CFAP46: variants seen among roughly 807,000 people sequenced by gnomAD.
CFAP46 encodes cilia and flagella associated protein 46.
In CFAP46, 245 loss-of-function variants were observed where a neutral mutation model predicts 325.7. The ratio of observed to expected loss-of-function variants is 0.75; its 90% confidence interval spans 0.68 to 0.84. The LOEUF (loss-of-function observed/expected upper bound fraction) is 0.84. Among genes scored for constraint, CFAP46 ranks in the 40% least tolerant of loss-of-function variants. The probability of loss-of-function intolerance (pLI) is 0.00; values close to 1 mark genes in which losing one functional copy is unlikely to be tolerated. For missense variants in CFAP46, 3,346 were observed against 3,543.0 expected, an observed-to-expected ratio of 0.94 and a Z score of 1.41; for synonymous variants, 1,523 against 1,495.9, an observed-to-expected ratio of 1.02 and a Z score of -0.42.
chr10:132,855,941 G>A (rs934040012), intron 39 of CFAP46, among the ~76,000 whole-genome samples: 2 of 152,228 alleles, frequency 1.3e-5, no homozygotes, highest in Admixed American at 6.5e-5. Context: ...ATGCACCTGT[G>A]TGGATCCACA....
chr10:132,885,743 T>TGGGGAGCACTCATAGGCGGTG, intron 26 of CFAP46, 78 bp downstream of exon 26: 10 of 1,262,016 alleles, frequency 7.9e-6, no homozygotes, highest in Non-Finnish European at 9.3e-6. Flanking sequence ...ACAGGCGGTG[T>TGGGGAGCACTCATAGGCGGTG]GGGGAGCACT....
chr10:132,909,762 C>T (rs1320090029), intron 20 of CFAP46, among the ~76,000 whole-genome samples, 157 bp downstream of exon 20: 1 of 152,230 alleles, frequency 6.6e-6, no homozygotes, highest in Non-Finnish European at 1.5e-5. Context: ...GGGCAGCCAG[C>T]GGCGGTGAGC....
Position 132,885,215 on chromosome 10 carries a change from A to G in CFAP46, c.3515T>C (p.Phe1172Ser). The change falls in exon 27 of 58, where the codon TTC becomes TCC. Residue 1172 changes from phenylalanine to serine, a missense_variant. Transcript: ENST00000368586. ...CAAGTAGTCCTCACTCTCGGCCTTG[A>G]ATTTCTGTATTTCCATCGAAAAATT... ...GQNFSMEIQK[F>S]KAESEDYLAR... The G allele has an allele frequency of 6.5e-7, 1 of 1,550,360 alleles. No individual in the cohort carries two copies. Among genetic ancestry groups the G allele is most frequent in the Non-Finnish European group, 8.7e-7 (1 of 1,146,946 alleles).
chr10:132,893,709 G>T (rs1849284274), intron 24 of CFAP46, among the ~76,000 whole-genome samples: 1 of 152,190 alleles, frequency 6.6e-6, no homozygotes, highest in Admixed American at 6.5e-5. Flanking sequence ...GATCTCTCAG[G>T]TCTCCCGCTC....
intron 22 of CFAP46, among the ~76,000 whole-genome samples, chr10:132,902,646 C>G (rs1031828370): frequency 6.6e-6 from 1 of 152,198 alleles, no homozygotes; most frequent in Non-Finnish European, 1.5e-5. Flanking sequence ...CTATTCTACT[C>G]TTTTCTTCCT....
intron 50 of CFAP46, among the ~76,000 whole-genome samples, chr10:132,830,300 C>T (rs1848128523): frequency 6.6e-6 from 1 of 152,012 alleles, no homozygotes; most frequent in Non-Finnish European, 1.5e-5. Context: ...CATGCCACCA[C>T]ACCCAGCTAA....
In CFAP46 at chr10:132,846,163, G is replaced by A; in HGVS notation, c.6332C>T (p.Ser2111Leu). Residue 2111 changes from serine (S) to leucine (L), a missense_variant, in exon 44 of 58, where the codon TCA (serine) becomes TTA (leucine). Coordinates refer to ENST00000368586, the MANE Select transcript of CFAP46 (RefSeq NM_001200049.3). ...LLAATANTSS[S>L]QLAALLQLQH... ...TAGCTGCAGCAGGGCCGCCAGCTGT[G>A]AGCTGCTGGTGTTGGCTGTGGCTGC... The A allele has an allele frequency of 6.2e-7, 1 of 1,611,856 alleles. No homozygotes were observed. Among genetic ancestry groups the A allele is most frequent in the Non-Finnish European group, 8.5e-7 (1 of 1,179,536 alleles).
At chr10:132,814,799 C>T (rs752872492) in intron 51 of CFAP46, 45 bp downstream of exon 51, 101 of 1,613,666 alleles carry the variant, frequency 6.3e-5, no homozygotes, top group Admixed American at 1.3e-4. Context: ...CCTGACCTCC[C>T]GCTGTGCCCA....
intron 50 of CFAP46, among the ~76,000 whole-genome samples, chr10:132,823,764 G>GC (rs2134899503): frequency 1.5e-5 from 1 of 65,066 alleles, no homozygotes; most frequent in Non-Finnish European, 3.0e-5. Context: ...TGCTGTGTGT[G>GC]TGCTGTGTGC....
chr10:132,913,579 C>CAT (rs1849588776), intron 17 of CFAP46, among the ~76,000 whole-genome samples: 1 of 152,216 alleles, frequency 6.6e-6, no homozygotes, highest in South Asian at 2.1e-4. Flanking sequence ...GGAAACGTTT[C>CAT]ATCCCGCGAC....
chr10:132,887,920 CTCCTCTCCT>C (rs1220760573), intron 25 of CFAP46, among the ~76,000 whole-genome samples: 3 of 67,578 alleles, frequency 4.4e-5, no homozygotes, highest in Admixed American at 1.6e-4. Context: ...CTTCTTCTCT[CTCCTCTCCT>C]CTCTCCTCTT....
chr10:132,835,493 C>T (rs1288086206), intron 46 of CFAP46, 59 bp from the exon 47 acceptor site: 30 of 1,602,502 alleles, frequency 1.9e-5, no homozygotes, highest in African/African-American at 1.5e-4. Context: ...GCAGCTGGAC[C>T]GTGCATGGTG....
In CFAP46 at chr10:132,909,148, A is replaced by T. The variant is rs1474258802; in HGVS notation, c.2746T>A (p.Ser916Thr). ...CTGGGGACACCTACCTGGGCCAGGG[A>T]GGGGACAGTGAAGTCCATGAGGCCC... is the stretch of plus-strand genomic sequence containing the variant. Reference protein sequence around the residue: ...GLGLMDFTVPSLAQLVKMASE... With the variant: ...GLGLMDFTVPTLAQLVKMASE... The change falls in exon 21 of 58, where the codon TCC (serine) becomes ACC (threonine). Residue 916 changes from serine (S) to threonine (T), a missense_variant. Transcript: ENST00000368586. 5 of 1,548,882 alleles carry T rather than the reference A, an allele frequency of 3.2e-6. No homozygotes were observed. The highest frequency in any genetic ancestry group is 4.4e-6 in the Non-Finnish European group (5 of 1,146,340).
intron 44 of CFAP46, among the ~76,000 whole-genome samples, chr10:132,840,596 A>C (rs916231060): frequency 7.9e-5 from 12 of 152,138 alleles, no homozygotes; most frequent in Non-Finnish European, 1.5e-5. Context: ...GAGCTAAGTC[A>C]CGTAAGTTTT....
At position 132,857,436 on chromosome 10, in the gene CFAP46, GT is replaced by G. The variant is rs532058450; in HGVS notation, c.5574+153del. 2.6e-5 allele frequency among the ~76,000 whole-genome samples: 4 copies of G among 152,350 alleles called. No homozygotes were observed. In the East Asian group the frequency reaches 7.7e-4, roughly 29 times the overall value. On this transcript the variant is annotated intron_variant, in intron 39 of 57. Coordinates refer to ENST00000368586, the MANE Select transcript of CFAP46 (RefSeq NM_001200049.3). ...AAAGTCTTTGTTTCATACACTGTTT[GT>G]TTTTTTGTTGTTTCAGATGGGGGAG...
At chr10:132,829,693 G>T (rs918111555) in intron 50 of CFAP46, among the ~76,000 whole-genome samples, 1 of 152,222 alleles carries the variant, frequency 6.6e-6, no homozygotes, top group Non-Finnish European at 1.5e-5. Context: ...GGAAGAAGCC[G>T]CCTTCCCCTC....
chr10:132,893,848 G>C (rs1185561560), intron 24 of CFAP46, among the ~76,000 whole-genome samples: 1 of 152,162 alleles, frequency 6.6e-6, no homozygotes, highest in African/African-American at 2.4e-5. Flanking sequence ...TTCTGAGGAG[G>C]CAAGAACTGA....
chr10:132,810,345 G>A lies in CFAP46; in HGVS notation c.7664+64C>T, dbSNP rs1271227924. On this transcript the variant is annotated intron_variant, in intron 57 of 57. Transcript: ENST00000368586. ...CCCTGCAGGGCTGTGCAGTGCACGTGCCCCATGGGCAGTGGCTGCAGAGGG... is the reference window on the plus strand; with the variant it reads ...CCCTGCAGGGCTGTGCAGTGCACGTACCCCATGGGCAGTGGCTGCAGAGGG... 6 of 1,375,508 alleles carry A rather than the reference G, an allele frequency of 4.4e-6. No individual in the cohort carries two copies. The East Asian group carries it at 1.4e-4, about 31-fold the overall frequency. The allele number at this position is 1,375,508 out of a possible 1,614,324, so 85.2% of individuals were successfully genotyped here.
At chr10:132,907,030 C>A (rs1849466763) in intron 22 of CFAP46, among the ~76,000 whole-genome samples, 1 of 152,270 alleles carries the variant, frequency 6.6e-6, no homozygotes. Flanking sequence ...CATCTTGGCA[C>A]GTTCCTATGT....
Sources: allele counts gnomAD v4.1 joint callset (sites outside exome capture counted in the v4.1 genomes callset), GRCh38; gene constraint gnomAD v4.1.1; transcripts MANE v1.5; gene names NCBI Gene and HGNC (gene_info 2026-07-23, HGNC 2026-07-21).